SUCLG2: variants seen among roughly 807,000 people sequenced by gnomAD.
SUCLG2 encodes the protein succinate--CoA ligase [GDP-forming] subunit beta, mitochondrial.
A neutral mutation model predicts 47.9 loss-of-function variants in SUCLG2; 42 were observed. That is an observed-to-expected ratio of 0.88 (90% CI 0.69 to 1.14). The LOEUF (loss-of-function observed/expected upper bound fraction) is 1.14. Among genes scored for constraint, SUCLG2 ranks in the 50% most tolerant of loss-of-function variants. The probability of loss-of-function intolerance (pLI) is 0.00; values close to 1 mark genes in which losing one functional copy is unlikely to be tolerated. For missense variants in SUCLG2, 571 were observed against 525.9 expected (o/e 1.09, Z -0.84); for synonymous variants, 195 against 197.3 (o/e 0.99, Z 0.10).
chr3:67,523,278 T>C (rs1164596084), intron 4 of SUCLG2, among the ~76,000 whole-genome samples: 2 of 152,242 alleles, frequency 1.3e-5, no homozygotes, highest in African/African-American at 4.8e-5. Context: ...TTCAAACTTT[T>C]GTTGAATTTA....
At chr3:67,641,118 A>T (rs542864553) in intron 1 of SUCLG2, among the ~76,000 whole-genome samples, 1 of 152,326 alleles carries the variant, frequency 6.6e-6, no homozygotes, top group East Asian at 1.9e-4. Flanking sequence ...ATTGTTTAAA[A>T]TATTTCTAGA....
rs565365232 is a variant in SUCLG2, at chr3:67,460,792, C to T, written c.1062+35006G>A. Among the ~76,000 whole-genome samples the T allele has an allele frequency of 3.3e-5, 5 of 152,030 alleles. No homozygotes were observed. In the South Asian group the frequency reaches 1.0e-3, roughly 32 times the overall value. ...ATCTGATAGTAAAAACAATACAGGC[C>T]CACTGGGAAGGAAAAATTAAAACTA... On this transcript the variant is annotated intron_variant, in intron 9 of 10. Coordinates refer to ENST00000307227, the MANE Select transcript of SUCLG2 (RefSeq NM_003848.4).
At chr3:67,373,643 T>C (rs573488062), downstream of SUCLG2, among the ~76,000 whole-genome samples, 1 of 152,304 alleles carries the variant, frequency 6.6e-6, no homozygotes, top group African/African-American at 2.4e-5. Context: ...AACTGATCAC[T>C]GGAGTCATAT....
chr3:67,413,632 TATAGGATGGCTTAACA>T (rs1702974883), intron 9 of SUCLG2, among the ~76,000 whole-genome samples: 1 of 152,182 alleles, frequency 6.6e-6, no homozygotes, highest in African/African-American at 2.4e-5. Context: ...AGGGAATACG[TATAGGATGGCTTAACA>T]ACCAAGAAAA....
At chr3:67,496,087 T>C (rs1222905732) in intron 8 of SUCLG2, 147 bp from the exon 9 acceptor site, 36 of 945,696 alleles carry the variant, frequency 3.8e-5, no homozygotes, top group Non-Finnish European at 5.5e-5. Context: ...TTAAACCAGA[T>C]TAGTTCATAG....
intron 2 of SUCLG2, among the ~76,000 whole-genome samples, chr3:67,581,281 G>T (rs376197527): frequency 2.0e-5 from 3 of 152,182 alleles, no homozygotes; most frequent in African/African-American, 7.2e-5. Context: ...TCAAAAGTAC[G>T]TAGTACCCAG....
intron 2 of SUCLG2, among the ~76,000 whole-genome samples, chr3:67,582,658 T>C (rs987175921): frequency 4.6e-5 from 7 of 152,126 alleles, no homozygotes; most frequent in African/African-American, 1.7e-4. Flanking sequence ...GGTTGAAAGG[T>C]AGTTCTGTTT....
At chr3:67,582,871 C>CA (rs376422919) in intron 2 of SUCLG2, among the ~76,000 whole-genome samples, 26 of 151,488 alleles carry the variant, frequency 1.7e-4, no homozygotes, top group Admixed American at 7.2e-4. Context: ...CCTCCCCCAC[C>CA]AAAAAAAACA....
At chr3:67,388,443 G>A (rs994731516) in intron 10 of SUCLG2, among the ~76,000 whole-genome samples, 2 of 152,084 alleles carry the variant, frequency 1.3e-5, no homozygotes, top group African/African-American at 4.8e-5. Flanking sequence ...AAACTACCAG[G>A]GATACTCACT....
chr3:67,386,771 T>C (rs915224193), intron 10 of SUCLG2, among the ~76,000 whole-genome samples: 1 of 152,174 alleles, frequency 6.6e-6, no homozygotes, highest in Non-Finnish European at 1.5e-5. Flanking sequence ...GAGATTTGGG[T>C]GGGGACACAG....
chr3:67,456,044 G>A (rs1160112455), intron 9 of SUCLG2, among the ~76,000 whole-genome samples: 1 of 133,592 alleles, frequency 7.5e-6, no homozygotes, highest in Non-Finnish European at 1.6e-5. Flanking sequence ...AGACTATTGG[G>A]ATACCAAGTG....
chr3:67,628,597 G>C (rs1332910264), intron 1 of SUCLG2, among the ~76,000 whole-genome samples: 1 of 152,170 alleles, frequency 6.6e-6, no homozygotes, highest in South Asian at 2.1e-4. Flanking sequence ...ACCAATGGGA[G>C]GTAACTGAAT....
At chr3:67,631,622 G>T (rs1463196791) in intron 1 of SUCLG2, among the ~76,000 whole-genome samples, 1 of 151,858 alleles carries the variant, frequency 6.6e-6, no homozygotes, top group Non-Finnish European at 1.5e-5. Flanking sequence ...GTGAGACTCC[G>T]TTTCAAAAAA....
rs138985236 is a variant in SUCLG2 at position 67,574,364 on chromosome 3, G to C, written c.226+35091C>G. ...GAACTACTTTTCTAATGACCACATG[G>C]TATAAAGATAGATACATAAATCAAT... On this transcript the variant is annotated intron_variant, in intron 2 of 10. Coordinates refer to ENST00000307227, the MANE Select transcript of SUCLG2 (RefSeq NM_003848.4). Among the ~76,000 whole-genome samples the C allele has an allele frequency of 4.8e-4, 73 of 152,276 alleles. 1 individual carries two copies. The East Asian group carries it at 0.014, about 29-fold the overall frequency.
At chr3:67,632,822 T>G (rs1353126985) in intron 1 of SUCLG2, among the ~76,000 whole-genome samples, 1 of 152,182 alleles carries the variant, frequency 6.6e-6, no homozygotes, top group Non-Finnish European at 1.5e-5. Flanking sequence ...CTTAATCACT[T>G]TGCTGCCAGG....
intron 1 of SUCLG2, among the ~76,000 whole-genome samples, chr3:67,625,840 C>T (rs956324167): frequency 6.6e-6 from 1 of 151,948 alleles, no homozygotes; most frequent in Admixed American, 6.6e-5. Flanking sequence ...TAAGACTGGA[C>T]CAAGCTGTCT....
At chr3:67,484,496 C>A (rs1275756260) in intron 9 of SUCLG2, among the ~76,000 whole-genome samples, 3 of 152,054 alleles carry the variant, frequency 2.0e-5, no homozygotes, top group Non-Finnish European at 4.4e-5. Flanking sequence ...ATTACAGGGG[C>A]TACAGATAAT....
At chr3:67,634,712 T>C (rs533448201) in intron 1 of SUCLG2, among the ~76,000 whole-genome samples, 24 of 152,296 alleles carry the variant, frequency 1.6e-4, no homozygotes, top group African/African-American at 5.5e-4. Context: ...TTCTTAGTCT[T>C]TTCCCTGCCA....
chr3:67,544,489 C>T (rs145870311), intron 2 of SUCLG2, among the ~76,000 whole-genome samples: 1,989 of 152,266 alleles, frequency 0.013, 18 homozygotes, highest in Non-Finnish European at 0.02. Flanking sequence ...GCTTCCCCTT[C>T]GCCTTCCACC....
Sources: gnomAD v4.1 joint callset for allele counts (sites outside exome capture counted in the v4.1 genomes callset) on GRCh38, gnomAD v4.1.1 for gene constraint, MANE v1.5 for transcripts, NCBI Gene and HGNC (gene_info 2026-07-23, HGNC 2026-07-21) for gene names.